VWC2: variants seen among roughly 807,000 people sequenced by gnomAD.
The protein encoded by VWC2 is brorin.
In VWC2, 14 loss-of-function variants were observed where a neutral mutation model predicts 29.8. The observed-to-expected ratio is 0.47, with a 90% CI of 0.31 to 0.74. VWC2 has a LOEUF of 0.74. VWC2 is among the 30% of genes least tolerant of loss of function. The pLI is 0.05. For synonymous variants in VWC2, 213 were observed against 199.0 expected (o/e 1.07, Z -0.59); for missense variants, 457 against 459.8 (o/e 0.99, Z 0.05).
At chr7:49,778,613 A>G (rs1221625113) in intron 2 of VWC2, among the ~76,000 whole-genome samples, 1 of 152,232 alleles carries the variant, frequency 6.6e-6, no homozygotes, top group Admixed American at 6.5e-5. Context: ...CCTTCAATGT[A>G]CAAAAGAGAA....
At chr7:49,815,022 T>C (rs1168446794) in intron 3 of VWC2, among the ~76,000 whole-genome samples, 1 of 152,232 alleles carries the variant, frequency 6.6e-6, no homozygotes, top group African/African-American at 2.4e-5. Flanking sequence ...CATGTTTTGT[T>C]GGACCCTTTG....
At chr7:49,780,670 G>A (rs1788153839) in intron 2 of VWC2, among the ~76,000 whole-genome samples, 1 of 152,156 alleles carries the variant, frequency 6.6e-6, no homozygotes, top group South Asian at 2.1e-4. Context: ...AGCCGATCAG[G>A]AGCTCTGATT....
intron 3 of VWC2, among the ~76,000 whole-genome samples, chr7:49,906,441 T>C (rs1793095972): frequency 6.6e-6 from 1 of 152,088 alleles, no homozygotes; most frequent in Non-Finnish European, 1.5e-5. Flanking sequence ...GTTCACGCCA[T>C]TTTCCTGCCT....
intron 2 of VWC2, among the ~76,000 whole-genome samples, chr7:49,788,865 T>A: frequency 7.7e-6 from 1 of 129,764 alleles, no homozygotes; most frequent in Middle Eastern, 5.1e-3. Context: ...TGTGAGCGTG[T>A]GTGTGGGGGG....
intron 3 of VWC2, among the ~76,000 whole-genome samples, chr7:49,892,268 G>A (rs1792175052): frequency 6.6e-6 from 1 of 151,690 alleles, no homozygotes; most frequent in Non-Finnish European, 1.5e-5. Flanking sequence ...GGATGGTCTC[G>A]ATCTCCTGAC....
At chr7:49,806,328 C>T (rs1296262069) in intron 3 of VWC2, among the ~76,000 whole-genome samples, 1 of 152,160 alleles carries the variant, frequency 6.6e-6, no homozygotes, top group African/African-American at 2.4e-5. Context: ...AAAAGTAGGA[C>T]ATTGGTGTTG....
intron 3 of VWC2, among the ~76,000 whole-genome samples, chr7:49,839,046 T>TAA (rs1464607328): frequency 6.6e-6 from 1 of 152,058 alleles, no homozygotes; most frequent in Non-Finnish European, 1.5e-5. Context: ...GGCCTTTATG[T>TAA]AAGAAGATAA....
At position 49,913,932 on chromosome 7, in the gene VWC2, G is replaced by A. The variant is rs1170450868; in HGVS notation, c.*1747G>A. 1.3e-5 allele frequency: 2 copies of A among 152,046 alleles called. No homozygotes were observed. Among genetic ancestry groups the A allele is most frequent in the Non-Finnish European group, 2.9e-5 (2 of 68,012 alleles). 9.4% of individuals were successfully genotyped at this position (152,046 alleles called of 1,614,324 possible). A position where few individuals can be genotyped will look rare whatever the true frequency, so the allele number is the denominator to read the frequency against. ...CATATAGTCATTTAATTTTTGTCTT[G>A]TTCATAAAGAACACCTTGAGCCAAA... On this transcript the variant is annotated 3_prime_UTR_variant, in exon 4 of 4. Transcript: ENST00000340652.
intron 3 of VWC2, among the ~76,000 whole-genome samples, chr7:49,909,282 A>T (rs1452779674): frequency 6.6e-6 from 1 of 152,248 alleles, no homozygotes; most frequent in Non-Finnish European, 1.5e-5. Flanking sequence ...GTGAAATAAA[A>T]GCAGACTGTA....
intron 3 of VWC2, among the ~76,000 whole-genome samples, chr7:49,820,286 T>C (rs1003283861): frequency 6.6e-6 from 1 of 152,200 alleles, no homozygotes; most frequent in Non-Finnish European, 1.5e-5. Flanking sequence ...CCAGGCACCA[T>C]GAACGATGAT....
intron 3 of VWC2, among the ~76,000 whole-genome samples, chr7:49,874,984 C>T (rs1583727498): frequency 6.6e-6 from 1 of 151,824 alleles, no homozygotes; most frequent in African/African-American, 2.4e-5. Flanking sequence ...ATAGTTTCAT[C>T]GTTTCCAATG....
intron 3 of VWC2, among the ~76,000 whole-genome samples, chr7:49,819,138 C>T (rs1789211973): frequency 6.6e-6 from 1 of 152,168 alleles, no homozygotes; most frequent in Non-Finnish European, 1.5e-5. Context: ...CTGCATCCAG[C>T]CCTTCCTTCT....
chr7:49,874,114 G>A (rs923994514), intron 3 of VWC2, among the ~76,000 whole-genome samples: 2 of 152,176 alleles, frequency 1.3e-5, no homozygotes, highest in African/African-American at 4.8e-5. Context: ...GGTGGGCAAA[G>A]GATGCCCTTG....
chr7:49,892,311 G>T (rs567318525), intron 3 of VWC2, among the ~76,000 whole-genome samples: 6 of 152,122 alleles, frequency 3.9e-5, no homozygotes, highest in Non-Finnish European at 7.4e-5. Flanking sequence ...CTCCCAAAGT[G>T]CTGGGATTAC....
chr7:49,822,908 A>G (rs1167198447), intron 3 of VWC2, among the ~76,000 whole-genome samples: 1 of 152,106 alleles, frequency 6.6e-6, no homozygotes, highest in Admixed American at 6.5e-5. Context: ...TTCATTTACT[A>G]CTTGGTGGAG....
At position 49,877,019 on chromosome 7, in the gene VWC2, C is replaced by T. The variant is rs1308364531; in HGVS notation, c.827-35015C>T. Among the ~76,000 whole-genome samples, 3 of 152,130 alleles carry T rather than the reference C, an allele frequency of 2.0e-5. No homozygotes were observed. In the East Asian group the frequency reaches 5.8e-4, roughly 29 times the overall value. ...CTTAGGACAGTCTTGGGGTGCAGGGCACTCTACTTGACCGTCAGTCTCCTC... is the reference window on the plus strand; with the variant it reads ...CTTAGGACAGTCTTGGGGTGCAGGGTACTCTACTTGACCGTCAGTCTCCTC... On this transcript the variant is annotated intron_variant, in intron 3 of 3. Coordinates refer to ENST00000340652, the MANE Select transcript of VWC2 (RefSeq NM_198570.5).
chr7:49,782,279 G>A (rs1788194995), intron 2 of VWC2, among the ~76,000 whole-genome samples: 1 of 152,124 alleles, frequency 6.6e-6, no homozygotes, highest in Admixed American at 6.5e-5. Context: ...ACATGACTTT[G>A]AAAAGCCTCT....
In VWC2 at chr7:49,802,359, T is replaced by C. The variant is rs370925326; in HGVS notation, c.697-352T>C. On this transcript the variant is annotated intron_variant, in intron 2 of 3. Coordinates refer to ENST00000340652, the MANE Select transcript of VWC2 (RefSeq NM_198570.5). ...GTTTAGGGAAAGAAAAGTATGACCCTGTAGGGCCAGGCTCACTCCTGTAAT... is the reference window on the plus strand; with the variant it reads ...GTTTAGGGAAAGAAAAGTATGACCCCGTAGGGCCAGGCTCACTCCTGTAAT... 1.4e-3 allele frequency among the ~76,000 whole-genome samples: 209 copies of C among 152,262 alleles called. 1 individual carries two copies. Among genetic ancestry groups the C allele is most frequent in the African/African-American group, 4.9e-3 (203 of 41,538 alleles).
At chr7:49,893,297 G>A (rs1406448623) in intron 3 of VWC2, among the ~76,000 whole-genome samples, 1 of 152,192 alleles carries the variant, frequency 6.6e-6, no homozygotes, top group African/African-American at 2.4e-5. Context: ...GGAAGGAAGA[G>A]TATAAACTAC....
Sources: gnomAD v4.1 joint callset for allele counts (sites outside exome capture counted in the v4.1 genomes callset) on GRCh38, gnomAD v4.1.1 for gene constraint, MANE v1.5 for transcripts, NCBI Gene and HGNC (gene_info 2026-07-23, HGNC 2026-07-21) for gene names.